FRS2: variants seen among roughly 807,000 people sequenced by gnomAD.
FRS2 encodes the protein FGFR signalling adaptor.
FRS2 carries 8 observed loss-of-function variants against 43.9 expected under a neutral mutation model. The observed-to-expected ratio is 0.18, with a 90% CI of 0.11 to 0.33. The LOEUF is 0.33. FRS2 is among the 10% of genes least tolerant of loss of function. FRS2 has a pLI of 1.00. For missense variants in FRS2, 534 were observed against 627.6 expected (o/e 0.85, Z 1.59); for synonymous variants, 219 against 220.3 (o/e 0.99, Z 0.05).
At chr12:69,536,101 C>CCTTTTTTTTTTTTTTTTTTTTTTT (rs1877251782) in intron 3 of FRS2, among the ~76,000 whole-genome samples, 2 of 37,176 alleles carry the variant, frequency 5.4e-5, no homozygotes, top group African/African-American at 1.8e-4. Context: ...TATTTTCATT[C>CCTTTTTTTTTTTTTTTTTTTTTTT]TTTTTTTTTT....
At chr12:69,572,444 A>G (rs576210174) in intron 8 of FRS2, among the ~76,000 whole-genome samples, 163 bp downstream of exon 8, 8 of 152,356 alleles carry the variant, frequency 5.3e-5, no homozygotes, top group East Asian at 1.9e-4. Context: ...TTGCTGGTTT[A>G]TGCTCAAATA....
chr12:69,541,074 A>T (rs1175772609), intron 3 of FRS2, among the ~76,000 whole-genome samples: 1 of 152,178 alleles, frequency 6.6e-6, no homozygotes, highest in African/African-American at 2.4e-5. Flanking sequence ...TTGTTTTTTT[A>T]AAAAACCACA....
At chr12:69,485,454 T>A (rs1871836730) in intron 1 of FRS2, among the ~76,000 whole-genome samples, 1 of 151,950 alleles carries the variant, frequency 6.6e-6, no homozygotes, top group Non-Finnish European at 1.5e-5. Context: ...AGTGCTGGGA[T>A]TACAGGCGTG....
In FRS2 at chr12:69,577,601, G is replaced by A. The variant is rs866757691; in HGVS notation, c.*2646G>A. The stretch of plus-strand genomic sequence containing the variant: ...ATTGTTAATGTTTTCCCTCCAAATA[G>A]AATACTGTTTTATCCATACAAATCA... On this transcript the variant is annotated 3_prime_UTR_variant, in exon 9 of 9. Coordinates refer to ENST00000549921, the MANE Select transcript of FRS2 (RefSeq NM_001278356.2). The A allele has an allele frequency of 6.6e-6, 1 of 152,534 alleles. No homozygotes were observed. The highest frequency in any genetic ancestry group is 6.5e-5 in the Admixed American group (1 of 15,270). 9.4% of individuals were successfully genotyped at this position (152,534 alleles called of 1,614,324 possible).
At position 69,481,281 on chromosome 12, in the gene FRS2, ATT is replaced by A. The variant is rs5798935; in HGVS notation, c.-261+10767_-261+10768del. ...CCATCATGAAAGTCCAAATTCCAGA[ATT>A]TTTTTTTTTTTTTTTGAGATAAAGT... On this transcript the variant is annotated intron_variant, in intron 1 of 8. Transcript: ENST00000549921. 1.0e-3 allele frequency among the ~76,000 whole-genome samples: 146 copies of A among 140,798 alleles called. 1 individual carries two copies. Among genetic ancestry groups the A allele is most frequent in the African/African-American group, 1.4e-3 (52 of 37,776 alleles). 92.4% of individuals were successfully genotyped at this position (140,798 alleles called of 152,430 possible).
intron 3 of FRS2, among the ~76,000 whole-genome samples, chr12:69,551,748 G>C (rs1488054070): frequency 6.6e-6 from 1 of 151,930 alleles, no homozygotes; most frequent in Admixed American, 6.6e-5. Flanking sequence ...AGTCGTGGAT[G>C]CTCTGGAATC....
intron 4 of FRS2, among the ~76,000 whole-genome samples, chr12:69,563,363 A>G (rs949875667): frequency 8.5e-5 from 13 of 152,228 alleles, no homozygotes; most frequent in African/African-American, 2.2e-4. Context: ...AGCTGTGTCT[A>G]TCCCTCACTC....
At chr12:69,556,857 G>T (rs1879399654) in intron 3 of FRS2, among the ~76,000 whole-genome samples, 2 of 152,088 alleles carry the variant, frequency 1.3e-5, no homozygotes, top group South Asian at 4.1e-4. Flanking sequence ...TGCTTTTTAA[G>T]AACTATTAGG....
intron 4 of FRS2, 31 bp from the exon 5 acceptor site, chr12:69,568,974 A>G (rs1339745613): frequency 9.3e-7 from 1 of 1,073,382 alleles, no homozygotes; most frequent in Non-Finnish European, 1.4e-6. Flanking sequence ...TCCTTCATCT[A>G]ATAAATTTTT....
intron 8 of FRS2, among the ~76,000 whole-genome samples, chr12:69,573,757 C>T (rs1880955029): frequency 6.6e-6 from 1 of 152,314 alleles, no homozygotes; most frequent in East Asian, 1.9e-4. Flanking sequence ...GCCACTGCGC[C>T]CAGCCTGCGT....
intron 1 of FRS2, among the ~76,000 whole-genome samples, chr12:69,493,415 G>A (rs539627393): frequency 7.2e-5 from 11 of 152,214 alleles, no homozygotes; most frequent in South Asian, 6.2e-4. Flanking sequence ...ATGTGCTGCC[G>A]TCATCTGAAT....
chr12:69,477,748 ATTTATTTT>A (rs1240539876), intron 1 of FRS2, among the ~76,000 whole-genome samples: 6 of 127,844 alleles, frequency 4.7e-5, no homozygotes, highest in Non-Finnish European at 7.1e-5. Flanking sequence ...TTATTTATTT[ATTTATTTT>A]TTGAGACAGA....
chr12:69,571,035 G>A (rs780595934), intron 6 of FRS2, among the ~76,000 whole-genome samples: 7 of 152,188 alleles, frequency 4.6e-5, no homozygotes, highest in Non-Finnish European at 7.4e-5. Context: ...CGCAGGTCTT[G>A]ATTTCATTAG....
At chr12:69,525,746 G>T (rs1265996120) in intron 1 of FRS2, among the ~76,000 whole-genome samples, 1 of 151,826 alleles carries the variant, frequency 6.6e-6, no homozygotes, top group Non-Finnish European at 1.5e-5. Flanking sequence ...CAACCAAGTG[G>T]TATGTGTTTT....
chr12:69,574,368 A>G lies in FRS2; in HGVS notation c.940A>G (p.Ile314Val). 1 of 1,613,914 alleles carries G rather than the reference A, an allele frequency of 6.2e-7. No individual in the cohort carries two copies. Among genetic ancestry groups the G allele is most frequent in the Non-Finnish European group, 8.5e-7 (1 of 1,179,746 alleles). Residue 314 changes from isoleucine (I) to valine (V), a missense_variant, in exon 9 of 9, where the codon ATC (isoleucine) becomes GTC (valine). This residue lies in a region of FRS2 where 446 missense variants were observed against 494.2 expected (regional missense o/e 0.90). Transcript: ENST00000549921. Reference protein sequence around the residue: ...LVYENINGLSIPSASGVRRGR... With the variant: ...LVYENINGLSVPSASGVRRGR... Reference sequence around the variant, plus strand: ...GTATGAAAATATAAATGGGCTATCTATCCCTAGTGCCTCAGGGGTCAGGAG... The same window carrying G: ...GTATGAAAATATAAATGGGCTATCTGTCCCTAGTGCCTCAGGGGTCAGGAG...
At chr12:69,518,368 A>G (rs1488873920) in intron 1 of FRS2, among the ~76,000 whole-genome samples, 1 of 152,070 alleles carries the variant, frequency 6.6e-6, no homozygotes, top group African/African-American at 2.4e-5. Flanking sequence ...CTGACAAATG[A>G]AGATAGTGTT....
chr12:69,543,239 CAT>C (rs1195022367), intron 3 of FRS2, among the ~76,000 whole-genome samples: 8 of 152,302 alleles, frequency 5.3e-5, no homozygotes, highest in South Asian at 2.1e-4. Flanking sequence ...TATTAAGTAA[CAT>C]ATGTTAATAA....
intron 1 of FRS2, among the ~76,000 whole-genome samples, chr12:69,521,119 C>T (rs377690890): frequency 6.6e-6 from 1 of 152,104 alleles, no homozygotes; most frequent in African/African-American, 2.4e-5. Flanking sequence ...CTCTTTTACT[C>T]TCCTGGTTAG....
chr12:69,476,755 G>C (rs1304605634), intron 1 of FRS2, among the ~76,000 whole-genome samples: 1 of 28,898 alleles, frequency 3.5e-5, no homozygotes, highest in East Asian at 1.6e-3. Context: ...GGGAGGGACG[G>C]GGGGGGGTGT....
Sources: allele counts gnomAD v4.1 joint callset (sites outside exome capture counted in the v4.1 genomes callset), GRCh38; gene constraint gnomAD v4.1.1; regional missense constraint gnomAD v4.1.1; transcripts MANE v1.5; gene names NCBI Gene and HGNC (gene_info 2026-07-23, HGNC 2026-07-21).